The following RALGPS2 variants were observed in gnomAD, a reference collection of about 807,000 sequenced individuals.
The protein encoded by RALGPS2 is Ral GEF with PH domain and SH3 binding motif 2.
In RALGPS2, 43 loss-of-function variants were observed where a neutral mutation model predicts 86.8. The observed-to-expected ratio is 0.50, with a 90% CI of 0.39 to 0.64. RALGPS2 has a LOEUF of 0.64. Ranked by LOEUF, RALGPS2 falls within the 30% of genes least tolerant of loss-of-function variation. The pLI is 0.00. For synonymous variants in RALGPS2, 243 were observed against 231.3 expected, an observed-to-expected ratio of 1.05 and a Z score of -0.46; for missense variants, 536 against 694.6, an observed-to-expected ratio of 0.77 and a Z score of 2.57.
At chr1:178,747,514 C>G in intron 1 of RALGPS2, 1 of 1,611,428 alleles carries the variant, frequency 6.2e-7, no homozygotes, top group South Asian at 1.1e-5. Flanking sequence ...TGCGGTTCAG[C>G]ATGACAACTG....
At chr1:178,895,890 G>T (rs1400388092) in intron 16 of RALGPS2, among the ~76,000 whole-genome samples, 1 of 151,940 alleles carries the variant, frequency 6.6e-6, no homozygotes, top group Non-Finnish European at 1.5e-5. Context: ...CAGAGAGGTG[G>T]CAGGGAGATA....
At chr1:178,732,292 A>ATTTTATTT (rs869160559) in intron 1 of RALGPS2, among the ~76,000 whole-genome samples, 2 of 98,940 alleles carry the variant, frequency 2.0e-5, no homozygotes, top group African/African-American at 9.7e-5. Context: ...TTCCTGATTT[A>ATTTTATTT]TTTTATTTAT....
At chr1:178,769,003 A>G (rs1304778643) in intron 1 of RALGPS2, among the ~76,000 whole-genome samples, 1 of 152,060 alleles carries the variant, frequency 6.6e-6, no homozygotes, top group Non-Finnish European at 1.5e-5. Context: ...GTTCCAGATG[A>G]GCAGGTGCTC....
intron 1 of RALGPS2, among the ~76,000 whole-genome samples, chr1:178,732,472 G>GT (rs1310967357): frequency 6.6e-6 from 1 of 151,766 alleles, no homozygotes; most frequent in African/African-American, 2.4e-5. Flanking sequence ...CTAATTTTTT[G>GT]TTTTTTTAGT....
intron 18 of RALGPS2, among the ~76,000 whole-genome samples, chr1:178,905,720 A>G (rs1360539236): frequency 6.6e-6 from 1 of 152,246 alleles, no homozygotes. Flanking sequence ...AGAGCAGCCT[A>G]TAGTACATGG....
chr1:178,776,910 A>G (rs1653114879), intron 2 of RALGPS2, 89 bp downstream of exon 2: 1 of 1,014,490 alleles, frequency 9.9e-7, no homozygotes, highest in Non-Finnish European at 1.5e-6. Flanking sequence ...CTTAAATCAG[A>G]AGTGCATTTA....
chr1:178,825,041 TGA>T (rs1655687611), intron 7 of RALGPS2, among the ~76,000 whole-genome samples: 1 of 152,058 alleles, frequency 6.6e-6, no homozygotes, highest in African/African-American at 2.4e-5. Flanking sequence ...CTGGAGAGTG[TGA>T]GAGTGTGTTA....
At chr1:178,903,824 A>G (rs1167308440) in intron 18 of RALGPS2, among the ~76,000 whole-genome samples, 1 of 152,142 alleles carries the variant, frequency 6.6e-6, no homozygotes, top group Non-Finnish European at 1.5e-5. Flanking sequence ...GCATGCAAGT[A>G]TCTTTTTCAT....
intron 8 of RALGPS2, among the ~76,000 whole-genome samples, chr1:178,845,342 A>G (rs1455969023): frequency 4.6e-5 from 7 of 152,022 alleles, no homozygotes. Flanking sequence ...TCAGGTTTTC[A>G]TGATAGTACT....
chr1:178,751,115 CACACACACAG>C (rs112764617), intron 1 of RALGPS2, among the ~76,000 whole-genome samples: 6,468 of 152,124 alleles, frequency 0.043, 481 homozygotes, highest in African/African-American at 0.15. Context: ...CTTCCATGTT[CACACACACAG>C]ACACACACAC....
chr1:178,886,171 T>C, intron 13 of RALGPS2, 51 bp downstream of exon 13: 1 of 1,566,918 alleles, frequency 6.4e-7, no homozygotes. Context: ...AATAAAAATG[T>C]TAATAAAACT....
At chr1:178,883,356 T>C in intron 10 of RALGPS2, 110 bp from the exon 11 acceptor site, 1 of 829,588 alleles carries the variant, frequency 1.2e-6, no homozygotes, top group Non-Finnish European at 2.0e-6. Context: ...ATAGGTCAGA[T>C]TATTTCATAA....
At chr1:178,821,279 T>TA (rs1203725640) in intron 6 of RALGPS2, among the ~76,000 whole-genome samples, 10 of 152,184 alleles carry the variant, frequency 6.6e-5, no homozygotes, top group Admixed American at 5.9e-4. Flanking sequence ...TAGTTCAGTA[T>TA]AAGGGAGACT....
chr1:178,811,257 CA>C (rs967289130), intron 5 of RALGPS2, 57 bp from the exon 6 acceptor site: 32 of 1,365,014 alleles, frequency 2.3e-5, no homozygotes, highest in Admixed American at 2.0e-4. Context: ...TAAAATACAG[CA>C]AAAAAACTTA....
At chr1:178,832,094 T>A (rs373295119) in intron 7 of RALGPS2, among the ~76,000 whole-genome samples, 5 of 152,168 alleles carry the variant, frequency 3.3e-5, no homozygotes, top group East Asian at 1.9e-4. Flanking sequence ...AGATACTTCC[T>A]TAAGTGGTAA....
At chr1:178,751,105 C>T (rs1651628326) in intron 1 of RALGPS2, among the ~76,000 whole-genome samples, 1 of 151,060 alleles carries the variant, frequency 6.6e-6, no homozygotes, top group African/African-American at 2.5e-5. Flanking sequence ...TGTAATTTAT[C>T]TTCCATGTTC....
rs1189656606 is a variant in RALGPS2, at chr1:178,919,574, C to G, written c.*3215C>G. On this transcript the variant is annotated 3_prime_UTR_variant, in exon 20 of 20. Transcript: ENST00000367635. Reference sequence around the variant, plus strand: ...TTAAACTGGGGCCCTCAAAGAGCAGCCTGTTGATCTTTTGGCCAAATGACT... The same window carrying G: ...TTAAACTGGGGCCCTCAAAGAGCAGGCTGTTGATCTTTTGGCCAAATGACT... The G allele has an allele frequency of 1.3e-5, 2 of 152,002 alleles. No individual in the cohort carries two copies. Among genetic ancestry groups the G allele is most frequent in the Non-Finnish European group, 2.9e-5 (2 of 67,922 alleles). 9.4% of individuals were successfully genotyped at this position (152,002 alleles called of 1,614,324 possible). A position where few individuals can be genotyped will look rare whatever the true frequency, so the allele number is the denominator to read the frequency against.
intron 8 of RALGPS2, among the ~76,000 whole-genome samples, chr1:178,838,602 A>T (rs1656407829): frequency 6.6e-6 from 1 of 152,338 alleles, no homozygotes; most frequent in African/African-American, 2.4e-5. Context: ...AAATTCTAAA[A>T]ATCAGAGCAC....
intron 19 of RALGPS2, 53 bp downstream of exon 19, chr1:178,906,920 A>G (rs1055193892): frequency 3.3e-6 from 5 of 1,503,070 alleles, no homozygotes; most frequent in Non-Finnish European, 3.7e-6. Flanking sequence ...AACATATGTA[A>G]AAGAGTTCCA....
Sources: gnomAD v4.1 joint callset for allele counts (sites outside exome capture counted in the v4.1 genomes callset) on GRCh38, gnomAD v4.1.1 for gene constraint, MANE v1.5 for transcripts, NCBI Gene and HGNC (gene_info 2026-07-23, HGNC 2026-07-21) for gene names.